Variants in ROBO2 observed in about 807,000 individuals in gnomAD.
ROBO2 encodes the protein roundabout homolog 2.
ROBO2 carries 53 observed loss-of-function variants against 160.8 expected under a neutral mutation model. That is an observed-to-expected ratio of 0.33 (90% CI 0.26 to 0.41). The LOEUF is 0.41. ROBO2 is among the 10% of genes least tolerant of loss of function. ROBO2 has a pLI of 1.00. For missense variants in ROBO2, 1,577 were observed against 1,722.4 expected, an observed-to-expected ratio of 0.92 and a Z score of 1.49; for synonymous variants, 664 against 611.7, an observed-to-expected ratio of 1.09 and a Z score of -1.26.
chr3:76,617,188 A>C (rs988013972), intron 2 of ROBO2, among the ~76,000 whole-genome samples: 20 of 152,174 alleles, frequency 1.3e-4, no homozygotes, highest in African/African-American at 4.6e-4. Context: ...CTAAGGGCTT[A>C]GAGATCATCT....
chr3:77,579,324 G>T (rs1030506811), intron 15 of ROBO2, among the ~76,000 whole-genome samples: 1 of 152,078 alleles, frequency 6.6e-6, no homozygotes, highest in African/African-American at 2.4e-5. Context: ...GTATGTGTGT[G>T]TAGATATGTG....
At chr3:76,725,019 G>A (rs2093527482) in intron 2 of ROBO2, among the ~76,000 whole-genome samples, 1 of 152,094 alleles carries the variant, frequency 6.6e-6, no homozygotes, top group African/African-American at 2.4e-5. Context: ...AGTCTCTGCA[G>A]GGAACATATC....
At chr3:76,860,419 C>A (rs1464639507) in intron 2 of ROBO2, among the ~76,000 whole-genome samples, 1 of 152,196 alleles carries the variant, frequency 6.6e-6, no homozygotes, top group Non-Finnish European at 1.5e-5. Context: ...GAGCTAGAAG[C>A]AGAAGCCAGG....
Position 77,568,533 on chromosome 3 carries a change from G to A in ROBO2, c.1971+99G>A, listed in dbSNP as rs537505783. Reference sequence around the variant, plus strand: ...ACAAAGAGTGATAATAAAAATTCCCGCCATTTAAAATCAAGGTGTAATCAA... The same window carrying A: ...ACAAAGAGTGATAATAAAAATTCCCACCATTTAAAATCAAGGTGTAATCAA... On this transcript the variant is annotated intron_variant, in intron 13 of 25. Coordinates refer to ENST00000461745, the Ensembl canonical transcript of ROBO2. The A allele has an allele frequency of 1.3e-3, 1,809 of 1,425,442 alleles. 7 individuals are homozygous for A. Among genetic ancestry groups the A allele is most frequent in the Middle Eastern group, 1.8e-3 (9 of 5,028 alleles). 88.3% of individuals were successfully genotyped at this position (1,425,442 alleles called of 1,614,324 possible).
At chr3:76,995,394 A>G (rs1361587011) in intron 2 of ROBO2, among the ~76,000 whole-genome samples, 1 of 152,182 alleles carries the variant, frequency 6.6e-6, no homozygotes, top group African/African-American at 2.4e-5. Flanking sequence ...TATTGTGAAT[A>G]GTGCTGCAAT....
chr3:76,774,527 G>C (rs28719512), intron 2 of ROBO2, among the ~76,000 whole-genome samples: 1 of 150,824 alleles, frequency 6.6e-6, no homozygotes, highest in Non-Finnish European at 1.5e-5. Context: ...AAACCTGATA[G>C]AAAGCATGAT....
At chr3:76,834,214 T>TCTCTC (rs1342077093) in intron 2 of ROBO2, among the ~76,000 whole-genome samples, 1 of 149,722 alleles carries the variant, frequency 6.7e-6, no homozygotes. Context: ...TCTTTCTTGT[T>TCTCTC]TTTTTCTTGA....
intron 2 of ROBO2, among the ~76,000 whole-genome samples, chr3:76,144,892 G>A (rs75267910): frequency 1.5e-3 from 224 of 146,512 alleles, no homozygotes; most frequent in African/African-American, 3.9e-3. Flanking sequence ...ACCATTATCT[G>A]CAGCTACAAG....
chr3:76,614,505 T>A (rs868497217), intron 2 of ROBO2, among the ~76,000 whole-genome samples: 2 of 151,324 alleles, frequency 1.3e-5, no homozygotes, highest in South Asian at 4.2e-4. Flanking sequence ...TCTGTGAGAG[T>A]TTTTTTTTAA....
chr3:77,531,293 A>T (rs1395170330), intron 6 of ROBO2, among the ~76,000 whole-genome samples: 1 of 152,052 alleles, frequency 6.6e-6, no homozygotes, highest in Non-Finnish European at 1.5e-5. Context: ...TTGGCCACAC[A>T]AGAATTTAGA....
At chr3:76,600,870 A>G (rs1366831732) in intron 2 of ROBO2, among the ~76,000 whole-genome samples, 1 of 152,162 alleles carries the variant, frequency 6.6e-6, no homozygotes, top group African/African-American at 2.4e-5. Flanking sequence ...CACAGTCCAA[A>G]GTCTCATCTG....
intron 2 of ROBO2, among the ~76,000 whole-genome samples, chr3:76,341,375 C>T (rs889635761): frequency 2.2e-5 from 3 of 136,364 alleles, no homozygotes; most frequent in Non-Finnish European, 3.0e-5. Context: ...CAGCTTGTTT[C>T]GTATGGCCCC....
At chr3:77,107,148 AGGT>A (rs2072916151) in intron 2 of ROBO2, among the ~76,000 whole-genome samples, 3 of 152,204 alleles carry the variant, frequency 2.0e-5, no homozygotes, top group Non-Finnish European at 4.4e-5. Flanking sequence ...CATCCTCACA[AGGT>A]GAAAGGCACT....
intron 8 of ROBO2, among the ~76,000 whole-genome samples, chr3:77,551,758 C>T (rs1177810758): frequency 6.6e-6 from 1 of 152,026 alleles, no homozygotes; most frequent in Non-Finnish European, 1.5e-5. Flanking sequence ...ATGCTGGCTT[C>T]TGAGATACAA....
intron 2 of ROBO2, among the ~76,000 whole-genome samples, chr3:76,034,235 C>T (rs1259729383): frequency 3.3e-5 from 5 of 152,056 alleles, no homozygotes; most frequent in Admixed American, 1.3e-4. Context: ...AAGTTTTTCT[C>T]TAAATTATTT....
At chr3:77,207,605 A>C (rs1030443999) in intron 2 of ROBO2, among the ~76,000 whole-genome samples, 2 of 152,228 alleles carry the variant, frequency 1.3e-5, no homozygotes, top group Non-Finnish European at 2.9e-5. Flanking sequence ...ATTCATTTTT[A>C]ACATATTTGT....
intron 2 of ROBO2, among the ~76,000 whole-genome samples, chr3:76,346,683 T>C (rs573989528): frequency 2.0e-4 from 30 of 152,262 alleles, no homozygotes; most frequent in African/African-American, 3.6e-4. Context: ...GTTTTCTCCA[T>C]TGAGATTTGT....
chr3:77,484,544 T>C (rs988334432), intron 4 of ROBO2, among the ~76,000 whole-genome samples: 19 of 136,742 alleles, frequency 1.4e-4, no homozygotes, highest in African/African-American at 4.7e-4. Flanking sequence ...CACACACACA[T>C]ATATTTCTCA....
At chr3:76,762,746 C>T (rs1400444786) in intron 2 of ROBO2, among the ~76,000 whole-genome samples, 1 of 151,654 alleles carries the variant, frequency 6.6e-6, no homozygotes, top group African/African-American at 2.4e-5. Flanking sequence ...TTTTAAAGAA[C>T]ACACTTTATT....
Sources: gnomAD v4.1 joint callset for allele counts (sites outside exome capture counted in the v4.1 genomes callset) on GRCh38, gnomAD v4.1.1 for gene constraint, MANE v1.5 for transcripts, NCBI Gene and HGNC (gene_info 2026-07-23, HGNC 2026-07-21) for gene names.